RIMS2: variants seen among roughly 807,000 people sequenced by gnomAD.
RIMS2 encodes the protein regulating synaptic membrane exocytosis 2.
RIMS2 carries 59 observed loss-of-function variants against 174.4 expected under a neutral mutation model. That is an observed-to-expected ratio of 0.34 (90% CI 0.27 to 0.42). The LOEUF (loss-of-function observed/expected upper bound fraction) is 0.42, where lower values mean the gene tolerates loss of function less well. Ranked by LOEUF, RIMS2 falls within the 10% of genes least tolerant of loss-of-function variation. RIMS2 has a pLI of 1.00. For synonymous variants in RIMS2, 606 were observed against 572.5 expected, an observed-to-expected ratio of 1.06 and a Z score of -0.84; for missense variants, 1,620 against 1,666.3, an observed-to-expected ratio of 0.97 and a Z score of 0.48.
Position 103,752,322 on chromosome 8 carries a change from G to T in RIMS2, c.388-13905G>T, listed in dbSNP as rs1389426230. 3.9e-5 allele frequency among the ~76,000 whole-genome samples: 6 copies of T among 152,136 alleles called. No homozygotes were observed. The East Asian group carries it at 1.2e-3, about 29-fold the overall frequency. ...TCCATTGATCTATATCTCTGTTTTG[G>T]TACCAGTACCATGCTGTTTTGGTTA... On this transcript the variant is annotated intron_variant, in intron 2 of 23. Transcript: ENST00000504942.
Position 104,056,583 on chromosome 8 carries a change from T to G in RIMS2, c.3334+41968T>G, listed in dbSNP as rs546842547. Among the ~76,000 whole-genome samples, 14 of 152,250 alleles carry G rather than the reference T, an allele frequency of 9.2e-5. No homozygotes were observed. In the South Asian group the frequency reaches 2.9e-3, roughly 32 times the overall value. On this transcript the variant is annotated intron_variant, in intron 19 of 23. Transcript: ENST00000504942. ...TTTGTATCTTTTCAACCAGTGCTGTTTTTTAAGGTTTTCTTTAGCTGGGCA... is the reference window on the plus strand; with the variant it reads ...TTTGTATCTTTTCAACCAGTGCTGTGTTTTAAGGTTTTCTTTAGCTGGGCA...
chr8:103,900,643 T>C (rs1249842125), intron 4 of RIMS2, among the ~76,000 whole-genome samples: 1 of 152,166 alleles, frequency 6.6e-6, no homozygotes, highest in African/African-American at 2.4e-5. Context: ...GTTATGATGA[T>C]ACTGGGATTT....
intron 19 of RIMS2, among the ~76,000 whole-genome samples, chr8:104,103,843 C>A (rs983506838): frequency 6.6e-6 from 1 of 152,052 alleles, no homozygotes; most frequent in Non-Finnish European, 1.5e-5. Flanking sequence ...AATGTTGATA[C>A]GCCATCATAT....
At chr8:104,079,300 A>G (rs2154562892) in intron 19 of RIMS2, among the ~76,000 whole-genome samples, 1 of 152,202 alleles carries the variant, frequency 6.6e-6, no homozygotes. Context: ...CCAAGAGTGC[A>G]GTACCCTCCT....
intron 19 of RIMS2, among the ~76,000 whole-genome samples, chr8:104,122,085 A>G (rs1308053202): frequency 2.0e-5 from 3 of 152,198 alleles, no homozygotes. Context: ...AATATTGGGT[A>G]TAAGATGATA....
chr8:103,896,868 G>A (rs72681360), intron 4 of RIMS2, among the ~76,000 whole-genome samples: 29,631 of 151,204 alleles, frequency 0.2, 3,236 homozygotes, highest in Middle Eastern at 0.29. Context: ...ATTCTGAGAC[G>A]CCACTTATTC....
chr8:103,672,087 G>A (rs1383062686), intron 1 of RIMS2, among the ~76,000 whole-genome samples: 1 of 152,120 alleles, frequency 6.6e-6, no homozygotes, highest in African/African-American at 2.4e-5. Context: ...TATTTATTTA[G>A]CCAAAGGGAT....
At chr8:104,139,412 A>G (rs998023725) in intron 19 of RIMS2, among the ~76,000 whole-genome samples, 1 of 152,060 alleles carries the variant, frequency 6.6e-6, no homozygotes, top group Non-Finnish European at 1.5e-5. Context: ...ATATCTTTCC[A>G]TTTTTTGTGT....
At position 103,771,773 on chromosome 8, in the gene RIMS2, C is replaced by T. The variant is rs1486215947; in HGVS notation, c.698+5236C>T. 2.6e-5 allele frequency among the ~76,000 whole-genome samples: 4 copies of T among 152,046 alleles called. No individual in the cohort carries two copies. In the East Asian group the frequency reaches 7.7e-4, roughly 29 times the overall value. On this transcript the variant is annotated intron_variant, in intron 3 of 23. Coordinates refer to ENST00000504942, the Ensembl canonical transcript of RIMS2. Reference sequence around the variant, plus strand: ...ATTCTCTTTCACTATTTTTTTCCTCCCATAACTGGTAGTTGTATGACAAAT... The same window carrying T: ...ATTCTCTTTCACTATTTTTTTCCTCTCATAACTGGTAGTTGTATGACAAAT...
chr8:103,798,627 C>T (rs537780963), intron 3 of RIMS2, among the ~76,000 whole-genome samples: 2 of 152,148 alleles, frequency 1.3e-5, no homozygotes, highest in Non-Finnish European at 2.9e-5. Context: ...TGTATGCATG[C>T]GTTTTAAATT....
chr8:103,566,658 G>A (rs1401672285), intron 1 of RIMS2, among the ~76,000 whole-genome samples: 2 of 152,080 alleles, frequency 1.3e-5, no homozygotes, highest in Non-Finnish European at 2.9e-5. Flanking sequence ...TCTATTTTAG[G>A]TGGTAATTCC....
intron 2 of RIMS2, among the ~76,000 whole-genome samples, chr8:103,747,467 A>C (rs2097836940): frequency 6.6e-6 from 1 of 152,074 alleles, no homozygotes; most frequent in Non-Finnish European, 1.5e-5. Context: ...CTCACATTTT[A>C]ACACATTTTA....
intron 1 of RIMS2, among the ~76,000 whole-genome samples, chr8:103,674,822 G>A (rs544478055): frequency 6.6e-6 from 1 of 151,754 alleles, no homozygotes; most frequent in African/African-American, 2.4e-5. Context: ...TCAAATTTTT[G>A]TTTAATTGAT....
chr8:104,051,739 C>T (rs776534605), intron 19 of RIMS2, among the ~76,000 whole-genome samples: 7 of 152,094 alleles, frequency 4.6e-5, no homozygotes, highest in African/African-American at 7.2e-5. Context: ...GAGAAGGGCA[C>T]GTCAATCTCT....
At chr8:104,016,129 G>A (rs2095896656) in intron 19 of RIMS2, among the ~76,000 whole-genome samples, 1 of 151,962 alleles carries the variant, frequency 6.6e-6, no homozygotes, top group Non-Finnish European at 1.5e-5. Context: ...AATTAACTTT[G>A]TATCTTTAAA....
At chr8:103,992,135 G>A (rs1171291876) in intron 17 of RIMS2, among the ~76,000 whole-genome samples, 1 of 152,090 alleles carries the variant, frequency 6.6e-6, no homozygotes, top group Admixed American at 6.5e-5. Flanking sequence ...TTGAGACAGT[G>A]TCTCACTGGG....
At chr8:104,007,965 G>T (rs951079720) in intron 17 of RIMS2, among the ~76,000 whole-genome samples, 8 of 152,064 alleles carry the variant, frequency 5.3e-5, no homozygotes, top group Admixed American at 2.6e-4. Context: ...CTCTATCCAC[G>T]TAAAAACAGC....
intron 19 of RIMS2, among the ~76,000 whole-genome samples, chr8:104,210,570 C>G (rs1177232880): frequency 6.6e-6 from 1 of 152,132 alleles, no homozygotes; most frequent in Admixed American, 6.5e-5. Flanking sequence ...TCTCTACATA[C>G]ACATATCTCT....
intron 19 of RIMS2, among the ~76,000 whole-genome samples, chr8:104,205,495 C>CTGTGTGTGTGTG (rs55980964): frequency 1.3e-4 from 20 of 151,008 alleles, no homozygotes; most frequent in African/African-American, 4.4e-4. Flanking sequence ...TGTGAAGTGT[C>CTGTGTGTGTGTG]TGTGTGTGTG....
Sources: gnomAD v4.1 joint callset for allele counts (sites outside exome capture counted in the v4.1 genomes callset) on GRCh38, gnomAD v4.1.1 for gene constraint, MANE v1.5 for transcripts, NCBI Gene and HGNC (gene_info 2026-07-23, HGNC 2026-07-21) for gene names.